Variants in ISOC2 observed in about 807,000 individuals in gnomAD.
The protein encoded by ISOC2 is isochorismatase domain-containing protein 2.
ISOC2 carries 15 observed loss-of-function variants against 19.3 expected under a neutral mutation model. The ratio of observed to expected loss-of-function variants is 0.78; its 90% CI spans 0.52 to 1.20. The LOEUF is 1.20. ISOC2 is among the 50% of genes most tolerant of loss of function. The pLI, the probability that ISOC2 is intolerant of heterozygous loss-of-function variation, is 0.00. For missense variants in ISOC2, 285 were observed against 272.4 expected, an observed-to-expected ratio of 1.05 and a Z score of -0.33; for synonymous variants, 106 against 115.8, an observed-to-expected ratio of 0.92 and a Z score of 0.54.
intron 1 of ISOC2, among the ~76,000 whole-genome samples, chr19:55,460,206 C>A (rs2123388332): frequency 6.6e-6 from 1 of 152,282 alleles, no homozygotes; most frequent in Middle Eastern, 3.4e-3. Flanking sequence ...TTATTCCTCG[C>A]AGCCAGAAAA....
In ISOC2 at chr19:55,453,171, AGCACCCTGCCCCCCCCACAAGGGGGCG is replaced by A; in HGVS notation, c.*110_*136del. 1.8e-6 allele frequency: 1 copy of A among 541,390 alleles called. No individual in the cohort carries two copies. Among genetic ancestry groups the A allele is most frequent in the African/African-American group, 2.1e-5 (1 of 48,372 alleles). The allele number at this position is 541,390 out of a possible 1,614,324, so 33.5% of individuals were successfully genotyped here. A position where few individuals can be genotyped will look rare whatever the true frequency, so the allele number is the denominator to read the frequency against. ...GGGAGCAGCTGTCCAATGGGAAGGC[AGCACCCTGCCCCCCCCACAAGGGGGCG>A]GCACTCCTGGTGGATCGCACCACTC... On this transcript the variant is annotated 3_prime_UTR_variant, in exon 6 of 6. Transcript: ENST00000425675.
intron 5 of ISOC2, chr19:55,453,728 G>A: frequency 5.3e-6 from 1 of 188,800 alleles, no homozygotes; most frequent in Non-Finnish European, 1.1e-5. Flanking sequence ...AATCCAGCCT[G>A]GACTTTGCCC....
chr19:55,454,685 C>T (rs1985984382), intron 5 of ISOC2: 1 of 421,188 alleles, frequency 2.4e-6, no homozygotes, highest in Non-Finnish European at 4.4e-6. Context: ...TCACTCCCTC[C>T]TTCAGTTCAT....
rs551380020 is a variant in ISOC2 at position 55,455,077 on chromosome 19, C to A, written c.449G>T (p.Arg150Leu). ...GAGGAAGGCACCACTCTGTCTCATG[C>A]GGGCCAGAGCCACCAGCCGGTCCAC... ...SQVDRLVALARMRQSGAFLST... is the reference protein window; with the variant it reads ...SQVDRLVALALMRQSGAFLST... The change falls in exon 5 of 6, where the codon CGC (arginine) becomes CTC (leucine). Residue 150 changes from arginine to leucine, a missense_variant. Arg to Leu is a moderately radical substitution (Grantham distance 102). Coordinates refer to ENST00000425675, the MANE Select transcript of ISOC2 (RefSeq NM_001136201.2). 5 of 1,378,076 alleles carry A rather than the reference C, an allele frequency of 3.6e-6. No individual in the cohort carries two copies. The highest frequency in any genetic ancestry group is 4.2e-5 in the East Asian group (1 of 23,720). The allele number at this position is 1,378,076 out of a possible 1,614,324, so 85.4% of individuals were successfully genotyped here.
At chr19:55,460,831 CAGAGAGCAGG>C (rs1568460366) in intron 1 of ISOC2, among the ~76,000 whole-genome samples, 1 of 152,136 alleles carries the variant, frequency 6.6e-6, no homozygotes, top group Non-Finnish European at 1.5e-5. Flanking sequence ...GGCAAAAGGC[CAGAGAGCAGG>C]AGGTCGGCGC....
rs1985921140 is a variant in ISOC2 at position 55,453,185 on chromosome 19, C to CA, written c.*122_*123insT. 1.6e-6 allele frequency: 1 copy of CA among 616,054 alleles called. No individual in the cohort carries two copies. The highest frequency in any genetic ancestry group is 3.9e-5 in the Admixed American group (1 of 25,414). The allele number at this position is 616,054 out of a possible 1,614,324, so 38.2% of individuals were successfully genotyped here. ...AATGGGAAGGCAGCACCCTGCCCCC[C>CA]CCACAAGGGGGCGGCACTCCTGGTG... is the stretch of plus-strand genomic sequence containing the variant. On this transcript the variant is annotated 3_prime_UTR_variant, in exon 6 of 6. Coordinates refer to ENST00000425675, the MANE Select transcript of ISOC2 (RefSeq NM_001136201.2).
chr19:55,455,337 G>A lies in ISOC2; in HGVS notation c.349-7C>T. ...GGAGGTCCAGGGTCGTGTTCTGTGGGTAGAGAGAGGTCAGGGCCAACCCCG... is the reference window on the plus strand; with the variant it reads ...GGAGGTCCAGGGTCGTGTTCTGTGGATAGAGAGAGGTCAGGGCCAACCCCG... On this transcript the variant is annotated splice_polypyrimidine_tract_variant and splice_region_variant and intron_variant, in intron 3 of 5. Coordinates refer to ENST00000425675, the MANE Select transcript of ISOC2 (RefSeq NM_001136201.2). 1 of 1,614,148 alleles carries A rather than the reference G, an allele frequency of 6.2e-7. No homozygotes were observed. The highest frequency in any genetic ancestry group is 8.5e-7 in the Non-Finnish European group (1 of 1,179,986).
Position 55,456,374 on chromosome 19 carries a change from A to C in ISOC2, c.113T>G (p.Val38Gly), listed in dbSNP as rs201524919. The stretch of plus-strand genomic sequence containing the variant: ...CTTGAGCATGCGGGCAGCCACTGAG[A>C]CGATCTGTGGGAAGTAGGCGATGTT... ...RHNIAYFPQI[V>G]SVAARMLKVA... The change falls in exon 2 of 6, where the codon GTC (valine) becomes GGC (glycine). Residue 38 changes from valine to glycine, a missense_variant. Coordinates refer to ENST00000425675, the MANE Select transcript of ISOC2 (RefSeq NM_001136201.2). The C allele has an allele frequency of 6.2e-7, 1 of 1,613,704 alleles. No homozygotes were observed. Among genetic ancestry groups the C allele is most frequent in the East Asian group, 2.2e-5 (1 of 44,862 alleles).
Position 55,455,099 on chromosome 19 carries a change from C to T in ISOC2, c.427G>A (p.Asp143Asn), listed in dbSNP as rs1337070849. 1.2e-6 allele frequency: 2 copies of T among 1,608,436 alleles called. No individual in the cohort carries two copies. Among genetic ancestry groups the T allele is most frequent in the Non-Finnish European group, 8.5e-7 (1 of 1,178,462 alleles). Residue 143 changes from aspartate to asparagine, a missense_variant, in exon 5 of 6, where the codon GAC (aspartate) becomes AAC (asparagine). Physicochemically the swap from Asp to Asn is conservative, Grantham distance 23 (BLOSUM62 1). Coordinates refer to ENST00000425675, the MANE Select transcript of ISOC2 (RefSeq NM_001136201.2). ...ATGCGGGCCAGAGCCACCAGCCGGT[C>T]CACCTGGCTGTGAGTGGGAGGGAGG... ...VDACSSRSQV[D>N]RLVALARMRQ...
Position 55,455,621 on chromosome 19 carries a change from C to A in ISOC2, c.348+15G>T. The A allele has an allele frequency of 6.4e-7, 1 of 1,565,640 alleles. No individual in the cohort carries two copies. Among genetic ancestry groups the A allele is most frequent in the South Asian group, 1.2e-5 (1 of 85,798 alleles). On this transcript the variant is annotated intron_variant, in intron 3 of 5. Coordinates refer to ENST00000425675, the MANE Select transcript of ISOC2 (RefSeq NM_001136201.2). ...GGTTAGAACGAGGGACCCCTGGGGT[C>A]AGTCAGCATCTCACCAAGATGCAGG...
In ISOC2 at chr19:55,453,247, C is replaced by A. The variant is rs564066568; in HGVS notation, c.*61G>T. 3 of 1,246,970 alleles carry A rather than the reference C, an allele frequency of 2.4e-6. No homozygotes were observed. Among genetic ancestry groups the A allele is most frequent in the South Asian group, 1.4e-5 (1 of 72,932 alleles). 77.2% of individuals were successfully genotyped at this position (1,246,970 alleles called of 1,614,324 possible). On this transcript the variant is annotated 3_prime_UTR_variant, in exon 6 of 6. Coordinates refer to ENST00000425675, the MANE Select transcript of ISOC2 (RefSeq NM_001136201.2). ...TCTTGGGATCCAGGGATGGGGGGAA[C>A]GGGCTTCCACTGAGGTCCGGGTGAC...
intron 1 of ISOC2, among the ~76,000 whole-genome samples, chr19:55,458,748 G>A (rs1307263174): frequency 6.6e-6 from 1 of 151,842 alleles, no homozygotes; most frequent in Admixed American, 6.6e-5. Context: ...GGCTGGTCTT[G>A]AACTCCTGAC....
At chr19:55,456,547 G>A in intron 1 of ISOC2, 58 bp from the exon 2 acceptor site, 3 of 1,592,692 alleles carry the variant, frequency 1.9e-6, no homozygotes, top group South Asian at 2.2e-5. Context: ...AGTGTCTCCA[G>A]CTGGCGTCCA....
chr19:55,459,982 G>T (rs1391004660), intron 1 of ISOC2: 1 of 152,184 alleles, frequency 6.6e-6, no homozygotes, highest in Non-Finnish European at 1.5e-5. Flanking sequence ...CAACTCCTAG[G>T]GACAGCCGAG....
chr19:55,455,892 GC>G, intron 2 of ISOC2, 47 bp from the exon 3 acceptor site: 1 of 1,418,784 alleles, frequency 7.0e-7, no homozygotes, highest in Non-Finnish European at 9.4e-7. Context: ...GGGAGGAGGG[GC>G]TGGGCCTGGA....
In ISOC2 at chr19:55,455,078, G is replaced by C. The variant is rs776527680; in HGVS notation, c.448C>G (p.Arg150Gly). The change falls in exon 5 of 6, where the codon CGC (arginine) becomes GGC (glycine). Residue 150 changes from arginine to glycine, a missense_variant. Transcript: ENST00000425675. ...SQVDRLVALA[R>G]MRQSGAFLST... The stretch of plus-strand genomic sequence containing the variant: ...AGGAAGGCACCACTCTGTCTCATGC[G>C]GGCCAGAGCCACCAGCCGGTCCACC... 4.3e-6 allele frequency: 7 copies of C among 1,612,398 alleles called. No individual in the cohort carries two copies. In the East Asian group the frequency reaches 1.6e-4, roughly 36 times the overall value.
chr19:55,453,468 C>T, intron 5 of ISOC2, 80 bp from the exon 6 acceptor site: 1 of 978,802 alleles, frequency 1.0e-6, no homozygotes, highest in Non-Finnish European at 1.5e-6. Flanking sequence ...GGACACCTCT[C>T]CGTCTTCATC....
rs1390522869 is a variant in ISOC2, at chr19:55,453,098, G to T, written c.*210C>A. The stretch of plus-strand genomic sequence containing the variant: ...CGGGGCCGAGCCCCGCCTCCATCTT[G>T]GCTCAGCCAATTCCCACCCAGTTTC... On this transcript the variant is annotated 3_prime_UTR_variant, in exon 6 of 6. Coordinates refer to ENST00000425675, the MANE Select transcript of ISOC2 (RefSeq NM_001136201.2). 4 of 506,322 alleles carry T rather than the reference G, an allele frequency of 7.9e-6. No homozygotes were observed. The highest frequency in any genetic ancestry group is 1.0e-5 in the Non-Finnish European group (3 of 285,820). The allele number at this position is 506,322 out of a possible 1,614,324, so 31.4% of individuals were successfully genotyped here.
At chr19:55,459,089 A>G (rs1986156506) in intron 1 of ISOC2, among the ~76,000 whole-genome samples, 1 of 151,416 alleles carries the variant, frequency 6.6e-6, no homozygotes, top group Non-Finnish European at 1.5e-5. Flanking sequence ...ATGCCACCAC[A>G]CCTGGCTAAT....
Sources: allele counts gnomAD v4.1 joint callset (sites outside exome capture counted in the v4.1 genomes callset), GRCh38; gene constraint gnomAD v4.1.1; transcripts MANE v1.5; gene names NCBI Gene and HGNC (gene_info 2026-07-23, HGNC 2026-07-21).